PRKG1: variants seen among roughly 807,000 people sequenced by gnomAD.
PRKG1 encodes cGMP-dependent protein kinase 1.
In PRKG1, 35 loss-of-function variants were observed where a neutral mutation model predicts 88.1. The observed-to-expected ratio is 0.40, with a 90% confidence interval of 0.30 to 0.53. PRKG1 has a LOEUF of 0.53. PRKG1 is among the 20% of genes least tolerant of loss of function. The pLI, the probability that PRKG1 is intolerant of heterozygous loss-of-function variation, is 0.59. For missense variants in PRKG1, 540 were observed against 839.8 expected (o/e 0.64, Z 4.41); for synonymous variants, 303 against 292.5 (o/e 1.04, Z -0.37).
chr10:51,409,971 C>A (rs1838033207), intron 2 of PRKG1, among the ~76,000 whole-genome samples: 1 of 151,592 alleles, frequency 6.6e-6, no homozygotes. Context: ...CTTCAGACAG[C>A]ATCCCTATCT....
intron 3 of PRKG1, among the ~76,000 whole-genome samples, chr10:51,529,921 T>C (rs974652641): frequency 2.0e-5 from 3 of 152,234 alleles, no homozygotes; most frequent in Non-Finnish European, 4.4e-5. Flanking sequence ...TCTTTATTGA[T>C]TTAATTAATT....
At chr10:51,627,841 C>A (rs1839375364) in intron 3 of PRKG1, among the ~76,000 whole-genome samples, 1 of 130,430 alleles carries the variant, frequency 7.7e-6, no homozygotes, top group South Asian at 2.7e-4. Flanking sequence ...CCTCTCCTTT[C>A]CTTTCCTTTC....
intron 7 of PRKG1, among the ~76,000 whole-genome samples, chr10:52,120,025 CAG>C (rs1353249389): frequency 3.3e-5 from 5 of 150,248 alleles, no homozygotes; most frequent in African/African-American, 1.2e-4. Context: ...GAGACAGAGG[CAG>C]AGAGACAGAG....
At position 51,231,446 on chromosome 10, in the gene PRKG1, A is replaced by G. The variant is rs188542870; in HGVS notation, c.478+78116A>G. 4.6e-3 allele frequency among the ~76,000 whole-genome samples: 695 copies of G among 152,244 alleles called. 3 individuals carry two copies. Among genetic ancestry groups the G allele is most frequent in the Non-Finnish European group, 8.6e-3 (587 of 68,006 alleles). On this transcript the variant is annotated intron_variant, in intron 2 of 17. Coordinates refer to ENST00000373980, the MANE Select transcript of PRKG1 (RefSeq NM_006258.4). ...TCAGTCTCATGGCTGTCCCCTGAGG[A>G]GGAGGCCTAACTTTTAGTCTCCTCA...
chr10:52,122,603 A>G (rs1384017656), intron 7 of PRKG1, among the ~76,000 whole-genome samples: 1 of 152,200 alleles, frequency 6.6e-6, no homozygotes, highest in Non-Finnish European at 1.5e-5. Context: ...ACAAAGAACA[A>G]TAAGCTCATC....
At chr10:51,102,011 T>C (rs938621709) in intron 1 of PRKG1, among the ~76,000 whole-genome samples, 1 of 152,204 alleles carries the variant, frequency 6.6e-6, no homozygotes, top group African/African-American at 2.4e-5. Flanking sequence ...ATAGTTGTGA[T>C]TTGTGGTATT....
intron 9 of PRKG1, among the ~76,000 whole-genome samples, chr10:52,181,140 T>C (rs2132728171): frequency 6.6e-6 from 1 of 152,260 alleles, no homozygotes; most frequent in East Asian, 1.9e-4. Context: ...CTCAGGGCCA[T>C]TTCTCAGGAC....
chr10:51,227,680 A>G (rs968037042), intron 2 of PRKG1, among the ~76,000 whole-genome samples: 4 of 152,174 alleles, frequency 2.6e-5, no homozygotes, highest in Non-Finnish European at 5.9e-5. Context: ...TTGGTTTTAA[A>G]AGAAAAGCCA....
rs141091848 is a variant in PRKG1 at position 51,345,205 on chromosome 10, T to G, written c.479-122518T>G. Among the ~76,000 whole-genome samples, 102 of 152,322 alleles carry G rather than the reference T, an allele frequency of 6.7e-4. No homozygotes were observed. The East Asian group carries it at 0.011, about 17-fold the overall frequency. The stretch of plus-strand genomic sequence containing the variant: ...TAAATTACCCTATTTTAAACGTTGC[T>G]TCTAACATTGTTGCAAATTCTTTGC... On this transcript the variant is annotated intron_variant, in intron 2 of 17. Coordinates refer to ENST00000373980, the MANE Select transcript of PRKG1 (RefSeq NM_006258.4).
chr10:52,268,951 G>C (rs1275700248), intron 10 of PRKG1, among the ~76,000 whole-genome samples: 1 of 151,856 alleles, frequency 6.6e-6, no homozygotes, highest in African/African-American at 2.4e-5. Context: ...TAAGCAACTA[G>C]CCCGAGAGAG....
chr10:51,288,825 G>A (rs926673769), intron 2 of PRKG1, among the ~76,000 whole-genome samples: 3 of 152,162 alleles, frequency 2.0e-5, no homozygotes, highest in African/African-American at 7.2e-5. Context: ...CTTGTATGTG[G>A]TTGTGTGGTT....
intron 9 of PRKG1, among the ~76,000 whole-genome samples, chr10:52,202,922 C>A (rs1401794699): frequency 6.6e-6 from 1 of 151,894 alleles, no homozygotes; most frequent in Non-Finnish European, 1.5e-5. Flanking sequence ...TCTCTTTTCT[C>A]TAGCTAGTGG....
At chr10:52,249,934 G>T (rs765029587) in intron 9 of PRKG1, among the ~76,000 whole-genome samples, 1 of 152,132 alleles carries the variant, frequency 6.6e-6, no homozygotes, top group Admixed American at 6.6e-5. Flanking sequence ...ATTCAACAAC[G>T]ATCTCATTAA....
intron 9 of PRKG1, among the ~76,000 whole-genome samples, chr10:52,209,613 T>C (rs1273139097): frequency 6.6e-6 from 1 of 152,164 alleles, no homozygotes. Flanking sequence ...TGACATATGT[T>C]TTTTGCCAGA....
intron 2 of PRKG1, among the ~76,000 whole-genome samples, chr10:51,450,184 C>A (rs1839393785): frequency 6.6e-6 from 1 of 151,760 alleles, no homozygotes; most frequent in African/African-American, 2.4e-5. Flanking sequence ...TATTAGGTTT[C>A]TTTATAAAAA....
intron 2 of PRKG1, among the ~76,000 whole-genome samples, chr10:51,297,044 G>A (rs1840739440): frequency 6.6e-6 from 1 of 152,018 alleles, no homozygotes; most frequent in South Asian, 2.1e-4. Flanking sequence ...GGTCATAAAA[G>A]GAAACAATAA....
At chr10:51,544,122 T>G (rs1231116029) in intron 3 of PRKG1, among the ~76,000 whole-genome samples, 1 of 152,098 alleles carries the variant, frequency 6.6e-6, no homozygotes. Flanking sequence ...GTTACATATG[T>G]ATACATGTGC....
chr10:51,890,911 G>A (rs939720829), intron 4 of PRKG1, among the ~76,000 whole-genome samples: 9 of 152,176 alleles, frequency 5.9e-5, no homozygotes, highest in Non-Finnish European at 8.8e-5. Context: ...AGCCAAGGTT[G>A]TGCCACTGCA....
chr10:52,169,080 T>C (rs1212821344), intron 9 of PRKG1, among the ~76,000 whole-genome samples: 8 of 152,088 alleles, frequency 5.3e-5, no homozygotes, highest in Non-Finnish European at 1.2e-4. Context: ...CACTGAGGAT[T>C]GATTCTTGAT....
Sources: gnomAD v4.1 joint callset for allele counts (sites outside exome capture counted in the v4.1 genomes callset) on GRCh38, gnomAD v4.1.1 for gene constraint, MANE v1.5 for transcripts, NCBI Gene and HGNC (gene_info 2026-07-23, HGNC 2026-07-21) for gene names.